TPD52: variants seen among roughly 807,000 people sequenced by gnomAD.
TPD52 encodes the protein prostate and colon associated protein.
A neutral mutation model predicts 31.3 loss-of-function variants in TPD52; 17 were observed. The observed-to-expected ratio is 0.54, with a 90% CI of 0.37 to 0.82. The LOEUF (loss-of-function observed/expected upper bound fraction) is 0.82. TPD52 is among the 40% of genes least tolerant of loss of function. The pLI is 0.00. For missense variants in TPD52, 212 were observed against 240.1 expected (o/e 0.88, Z 0.77); for synonymous variants, 83 against 89.6 (o/e 0.93, Z 0.42).
chr8:80,049,118 C>T (rs1179014986), intron 5 of TPD52, among the ~76,000 whole-genome samples: 2 of 152,156 alleles, frequency 1.3e-5, no homozygotes, highest in African/African-American at 4.8e-5. Flanking sequence ...ATAGCCCTTA[C>T]TTTTATATCT....
chr8:80,147,290 T>TCTCA (rs1264596307), intron 1 of TPD52, among the ~76,000 whole-genome samples: 1 of 152,138 alleles, frequency 6.6e-6, no homozygotes, highest in East Asian at 1.9e-4. Context: ...TAACCATGCA[T>TCTCA]CTCAGCAAAA....
chr8:80,049,265 C>T (rs547591892), intron 5 of TPD52, among the ~76,000 whole-genome samples: 86 of 152,198 alleles, frequency 5.7e-4, no homozygotes, highest in Non-Finnish European at 6.9e-4. Flanking sequence ...AAAAGCCATG[C>T]GTTCTTTATG....
chr8:80,084,994 G>A (rs1424705409), intron 1 of TPD52, among the ~76,000 whole-genome samples: 1 of 152,130 alleles, frequency 6.6e-6, no homozygotes, highest in Non-Finnish European at 1.5e-5. Context: ...TGGAAACACT[G>A]ACATAATTAT....
intron 1 of TPD52, among the ~76,000 whole-genome samples, chr8:80,121,527 T>C (rs970656480): frequency 7.9e-5 from 12 of 152,138 alleles, no homozygotes; most frequent in African/African-American, 2.9e-4. Flanking sequence ...AACTAACAAA[T>C]ACATTGTGTA....
chr8:80,147,689 G>A (rs1810291138), intron 1 of TPD52, among the ~76,000 whole-genome samples: 1 of 151,992 alleles, frequency 6.6e-6, no homozygotes, highest in Admixed American at 6.6e-5. Flanking sequence ...AGGGCAGCAG[G>A]GCAAAGGCGA....
At chr8:80,093,623 A>G (rs181668927) in intron 1 of TPD52, among the ~76,000 whole-genome samples, 44 of 152,298 alleles carry the variant, frequency 2.9e-4, no homozygotes, top group African/African-American at 1.0e-3. Flanking sequence ...AGATCAAAAT[A>G]CCAAGTCATA....
chr8:80,037,927 G>C lies in TPD52; in HGVS notation c.*189C>G. The C allele has an allele frequency of 1.5e-6, 1 of 645,714 alleles. No homozygotes were observed. The highest frequency in any genetic ancestry group is 3.1e-5 in the Admixed American group (1 of 32,450). The allele number at this position is 645,714 out of a possible 1,614,324, so 40.0% of individuals were successfully genotyped here. A position where few individuals can be genotyped will look rare whatever the true frequency, so the allele number is the denominator to read the frequency against. On this transcript the variant is annotated 3_prime_UTR_variant, in exon 8 of 8. Coordinates refer to ENST00000518937, the MANE Select transcript of TPD52 (RefSeq NM_001025253.3). The stretch of plus-strand genomic sequence containing the variant: ...TAAAGGAACATAAATGTACACTAAA[G>C]GGTGTTTCCCAAGAATAGAGGTGAA...
chr8:80,078,225 G>A (rs997183047), intron 1 of TPD52, among the ~76,000 whole-genome samples: 4 of 152,058 alleles, frequency 2.6e-5, no homozygotes, highest in African/African-American at 7.2e-5. Context: ...TTACTTTCCC[G>A]TTTGCCCCAT....
chr8:80,133,946 G>A (rs1586365230), intron 1 of TPD52, among the ~76,000 whole-genome samples: 1 of 152,258 alleles, frequency 6.6e-6, no homozygotes, highest in East Asian at 1.9e-4. Context: ...CAGAGGACTA[G>A]AAGTCACGGT....
intron 1 of TPD52, among the ~76,000 whole-genome samples, chr8:80,116,758 A>G (rs1427046356): frequency 6.9e-6 from 1 of 145,790 alleles, no homozygotes; most frequent in African/African-American, 2.6e-5. Flanking sequence ...AATACTAGCA[A>G]ACCATTATCT....
At chr8:80,074,064 G>T (rs1044414619) in intron 1 of TPD52, among the ~76,000 whole-genome samples, 4 of 152,204 alleles carry the variant, frequency 2.6e-5, no homozygotes, top group Non-Finnish European at 5.9e-5. Flanking sequence ...GCCTACCCAA[G>T]AAAGAATCTG....
At chr8:80,085,191 C>A (rs903566116) in intron 1 of TPD52, among the ~76,000 whole-genome samples, 2 of 152,168 alleles carry the variant, frequency 1.3e-5, no homozygotes, top group African/African-American at 4.8e-5. Flanking sequence ...AAAGTGCTCA[C>A]GCACCACTAT....
intron 1 of TPD52, chr8:80,170,962 A>C (rs1812041081): frequency 2.8e-6 from 1 of 359,068 alleles, no homozygotes; most frequent in Non-Finnish European, 5.4e-6. Context: ...AATCCTAACC[A>C]CCTGAACTTA....
At chr8:80,167,129 A>G (rs1291556284) in intron 1 of TPD52, among the ~76,000 whole-genome samples, 1 of 152,196 alleles carries the variant, frequency 6.6e-6, no homozygotes, top group Admixed American at 6.5e-5. Flanking sequence ...AAATTCCTTA[A>G]TCCCCTGGAA....
chr8:80,110,419 C>T (rs2130976650), intron 1 of TPD52, among the ~76,000 whole-genome samples: 1 of 152,024 alleles, frequency 6.6e-6, no homozygotes, highest in South Asian at 2.1e-4. Flanking sequence ...TTTATGAGTT[C>T]CACACTAAGA....
chr8:80,102,601 G>A (rs991772737), intron 1 of TPD52, among the ~76,000 whole-genome samples: 2 of 152,186 alleles, frequency 1.3e-5, no homozygotes, highest in African/African-American at 4.8e-5. Context: ...AGAACATCGT[G>A]TTGTGATATT....
chr8:80,039,076 T>C (rs1810130713), intron 7 of TPD52, among the ~76,000 whole-genome samples: 1 of 152,242 alleles, frequency 6.6e-6, no homozygotes, highest in Non-Finnish European at 1.5e-5. Context: ...AAGAAGCTTA[T>C]AGTGGGTTTG....
In TPD52 at chr8:80,140,729, A is replaced by T. The variant is rs147774730; in HGVS notation, c.19+30696T>A. On this transcript the variant is annotated intron_variant, in intron 1 of 7. Transcript: ENST00000518937. ...GTGGTAACAAATTCTAAACAATATG[A>T]TGTACGTAAAAGGGTTAGCTGCACC... Among the ~76,000 whole-genome samples, 21 of 152,294 alleles carry T rather than the reference A, an allele frequency of 1.4e-4. No homozygotes were observed. In the East Asian group the frequency reaches 3.7e-3, roughly 27 times the overall value.
chr8:80,031,411 G>A (rs1245610812), downstream of TPD52, among the ~76,000 whole-genome samples: 2 of 152,194 alleles, frequency 1.3e-5, no homozygotes, highest in Non-Finnish European at 2.9e-5. Context: ...TTCTCCAGGT[G>A]AGTTCTCCCT....
Sources: allele counts gnomAD v4.1 joint callset (sites outside exome capture counted in the v4.1 genomes callset), GRCh38; gene constraint gnomAD v4.1.1; transcripts MANE v1.5; gene names NCBI Gene and HGNC (gene_info 2026-07-23, HGNC 2026-07-21).